The following RMST variants were observed in gnomAD, a reference collection of about 807,000 sequenced individuals.
RMST encodes long intergenic non-protein coding RNA 54.
intron 11 of RMST, among the ~76,000 whole-genome samples, chr12:97,549,340 G>A (rs1372617609): frequency 6.6e-6 from 1 of 152,148 alleles, no homozygotes; most frequent in South Asian, 2.1e-4. Context: ...AGCCAAAAGA[G>A]CCATTCTCAG....
intron 11 of RMST, among the ~76,000 whole-genome samples, chr12:97,556,538 T>C (rs1341889627): frequency 5.9e-5 from 9 of 152,230 alleles, no homozygotes. Flanking sequence ...ATCTCCATGT[T>C]GACTGTGATT....
chr12:97,544,723 A>T (rs543689150), intron 11 of RMST, among the ~76,000 whole-genome samples: 79 of 152,188 alleles, frequency 5.2e-4, no homozygotes, highest in African/African-American at 1.8e-3. Flanking sequence ...ATCAGTCCAG[A>T]TGGTCAAATC....
At chr12:97,522,280 T>G (rs1358456781) in intron 10 of RMST, among the ~76,000 whole-genome samples, 4 of 152,222 alleles carry the variant, frequency 2.6e-5, no homozygotes, top group Non-Finnish European at 5.9e-5. Context: ...TGACCTATAT[T>G]CATTCTTAAC....
At chr12:97,474,804 G>T (rs1874354104) in intron 5 of RMST, among the ~76,000 whole-genome samples, 1 of 151,996 alleles carries the variant, frequency 6.6e-6, no homozygotes, top group Non-Finnish European at 1.5e-5. Context: ...GGATCATAAT[G>T]TCCAATGTCT....
At chr12:97,491,984 A>G (rs372260166) in intron 5 of RMST, 1 of 532,310 alleles carries the variant, frequency 1.9e-6, no homozygotes, top group Non-Finnish European at 3.9e-6. Flanking sequence ...ATGGCCTGAT[A>G]AACAATGGAA....
At chr12:97,558,769 T>C (rs572392964) in intron 11 of RMST, among the ~76,000 whole-genome samples, 1 of 152,284 alleles carries the variant, frequency 6.6e-6, no homozygotes, top group East Asian at 1.9e-4. Context: ...AGGGGCTTGG[T>C]TATTTATTCT....
chr12:97,475,290 T>G (rs959381659), intron 5 of RMST, among the ~76,000 whole-genome samples: 2 of 152,172 alleles, frequency 1.3e-5, no homozygotes, highest in African/African-American at 4.8e-5. Context: ...TATTCTAGTA[T>G]TTGCGCATAC....
At chr12:97,504,812 A>C (rs1878492961) in intron 10 of RMST, among the ~76,000 whole-genome samples, 1 of 152,150 alleles carries the variant, frequency 6.6e-6, no homozygotes, top group Non-Finnish European at 1.5e-5. Context: ...TATATCCAGG[A>C]TAGGAGGATA....
At chr12:97,562,506 G>C (rs1260202979) in intron 13 of RMST, among the ~76,000 whole-genome samples, 2 of 152,108 alleles carry the variant, frequency 1.3e-5, no homozygotes, top group Non-Finnish European at 2.9e-5. Context: ...GCTGGGGGAG[G>C]AGGTAGAGGT....
chr12:97,554,229 C>T (rs1259417251), intron 11 of RMST, among the ~76,000 whole-genome samples: 2 of 152,140 alleles, frequency 1.3e-5, no homozygotes, highest in Non-Finnish European at 2.9e-5. Context: ...GCTGGGATTA[C>T]AGGCACGAGC....
intron 10 of RMST, among the ~76,000 whole-genome samples, chr12:97,528,285 G>A (rs1881307041): frequency 6.6e-6 from 1 of 151,984 alleles, no homozygotes; most frequent in Admixed American, 6.6e-5. Flanking sequence ...TTTAAATTCA[G>A]TATAGTCATA....
intron 5 of RMST, among the ~76,000 whole-genome samples, chr12:97,479,646 C>CT (rs1362673883): frequency 2.0e-5 from 3 of 152,166 alleles, no homozygotes; most frequent in African/African-American, 7.2e-5. Flanking sequence ...ACCATACCCT[C>CT]TGGGTGGTCT....
intron 10 of RMST, among the ~76,000 whole-genome samples, chr12:97,500,773 G>C (rs1185891574): frequency 6.6e-6 from 1 of 152,138 alleles, no homozygotes; most frequent in Non-Finnish European, 1.5e-5. Context: ...AGGTCAGCCC[G>C]ACCCTGAACA....
chr12:97,480,099 C>T (rs7298688), intron 5 of RMST, among the ~76,000 whole-genome samples: 84,227 of 144,712 alleles, frequency 0.58, 24,731 homozygotes, highest in Middle Eastern at 0.75. Flanking sequence ...CTTTTTTTTT[C>T]TTTTTTTTTG....
chr12:97,476,235 C>G (rs1184877617), intron 5 of RMST, among the ~76,000 whole-genome samples: 2 of 152,076 alleles, frequency 1.3e-5, no homozygotes, highest in Non-Finnish European at 2.9e-5. Context: ...GATTATATGA[C>G]TCTTGATAAA....
At chr12:97,563,650 C>T (rs1168267461) in intron 13 of RMST, 15 of 390,412 alleles carry the variant, frequency 3.8e-5, no homozygotes, top group Non-Finnish European at 7.5e-5. Flanking sequence ...CTAAGAATGT[C>T]GTGGAAGGAT....
chr12:97,523,803 C>T (rs550697646), intron 10 of RMST, among the ~76,000 whole-genome samples: 3 of 152,088 alleles, frequency 2.0e-5, no homozygotes, highest in South Asian at 4.2e-4. Context: ...ACTGGCCGGG[C>T]GCAGTGGCTC....
At chr12:97,488,258 A>G (rs1376929888) in intron 5 of RMST, among the ~76,000 whole-genome samples, 1 of 152,128 alleles carries the variant, frequency 6.6e-6, no homozygotes, top group Non-Finnish European at 1.5e-5. Flanking sequence ...CATGCCTGTG[A>G]TCCCAGCTAC....
At chr12:97,475,258 T>C (rs1202019997) in intron 5 of RMST, among the ~76,000 whole-genome samples, 9 of 152,164 alleles carry the variant, frequency 5.9e-5, no homozygotes, top group Non-Finnish European at 1.5e-5. Flanking sequence ...TTGAGGGCAT[T>C]GGAAGGCTTT....
Sources: gnomAD v4.1 joint callset for allele counts (sites outside exome capture counted in the v4.1 genomes callset) on GRCh38, gnomAD v4.1.1 for gene constraint, MANE v1.5 for transcripts, NCBI Gene and HGNC (gene_info 2026-07-23, HGNC 2026-07-21) for gene names.